The following KCNIP1 variants were observed in gnomAD, a reference collection of about 807,000 sequenced individuals.
The protein encoded by KCNIP1 is potassium voltage-gated channel interacting protein 1.
KCNIP1 carries 18 observed loss-of-function variants against 33.0 expected under a neutral mutation model. That is an observed-to-expected ratio of 0.55 (90% CI 0.38 to 0.81). KCNIP1 has a LOEUF of 0.81. Among genes scored for constraint, KCNIP1 ranks in the 30% least tolerant of loss-of-function variants. The pLI, the probability that KCNIP1 is intolerant of heterozygous loss-of-function variation, is 0.00. For synonymous variants in KCNIP1, 93 were observed against 98.3 expected (o/e 0.95, Z 0.32); for missense variants, 238 against 271.6 (o/e 0.88, Z 0.87).
chr5:170,507,623 A>C (rs1754768715), intron 1 of KCNIP1, among the ~76,000 whole-genome samples: 1 of 152,226 alleles, frequency 6.6e-6, no homozygotes, highest in South Asian at 2.1e-4. Context: ...GCTTGTCCTG[A>C]AAACATCAAA....
chr5:170,520,539 C>T (rs1480322002), intron 1 of KCNIP1, among the ~76,000 whole-genome samples: 1 of 152,234 alleles, frequency 6.6e-6, no homozygotes, highest in Non-Finnish European at 1.5e-5. Flanking sequence ...ACACAAGAAT[C>T]TTCCATCTCC....
At chr5:170,518,022 ATGG>A (rs1307272721) in intron 1 of KCNIP1, among the ~76,000 whole-genome samples, 2 of 151,558 alleles carry the variant, frequency 1.3e-5, no homozygotes, top group Admixed American at 6.6e-5. Flanking sequence ...GACGATAGTG[ATGG>A]TGGTGATGAT....
chr5:170,643,200 C>G (rs996975168), intron 1 of KCNIP1, among the ~76,000 whole-genome samples: 3 of 152,224 alleles, frequency 2.0e-5, no homozygotes, highest in Admixed American at 6.5e-5. Flanking sequence ...TGAGCCAAGG[C>G]GTCCAGGTGG....
intron 1 of KCNIP1, among the ~76,000 whole-genome samples, chr5:170,415,212 G>T (rs1755296001): frequency 6.6e-6 from 1 of 152,156 alleles, no homozygotes; most frequent in Non-Finnish European, 1.5e-5. Flanking sequence ...AGGAAGCCGG[G>T]GAGGGGTTTG....
chr5:170,425,807 C>A (rs1755600682), intron 1 of KCNIP1, among the ~76,000 whole-genome samples: 1 of 152,198 alleles, frequency 6.6e-6, no homozygotes, highest in African/African-American at 2.4e-5. Flanking sequence ...AGGCAGGAGC[C>A]ACCTTCCTGC....
At chr5:170,460,836 C>T (rs1756487430) in intron 1 of KCNIP1, among the ~76,000 whole-genome samples, 1 of 152,166 alleles carries the variant, frequency 6.6e-6, no homozygotes, top group Non-Finnish European at 1.5e-5. Flanking sequence ...AAATAAAAGG[C>T]ATCCAAATCA....
At chr5:170,597,952 G>A (rs571532861) in intron 1 of KCNIP1, among the ~76,000 whole-genome samples, 43 of 152,060 alleles carry the variant, frequency 2.8e-4, no homozygotes, top group Non-Finnish European at 4.1e-4. Context: ...AACTCTGTCC[G>A]GAATTGCTGG....
chr5:170,699,732 G>T (rs558521948), intron 1 of KCNIP1, among the ~76,000 whole-genome samples: 14 of 152,158 alleles, frequency 9.2e-5, no homozygotes, highest in Non-Finnish European at 1.9e-4. Flanking sequence ...ATCCTAAATT[G>T]TAGGCTCTAT....
chr5:170,453,219 C>T (rs1412754871), intron 1 of KCNIP1, among the ~76,000 whole-genome samples: 1 of 152,186 alleles, frequency 6.6e-6, no homozygotes, highest in Admixed American at 6.5e-5. Context: ...CATTTACGCT[C>T]AGCAGCCATT....
At position 170,718,872 on chromosome 5, in the gene KCNIP1, G is replaced by C. The variant is rs145062462; in HGVS notation, c.176G>C (p.Gly59Ala). Residue 59 changes from glycine (G) to alanine (A), a missense_variant, in exon 2 of 8, where the codon GGC (glycine) becomes GCC (alanine). Transcript: ENST00000328939. ...TKRELQVLYRGFKNECPSGVV... is the reference protein window; with the variant it reads ...TKRELQVLYRAFKNECPSGVV... ...AGGGAGCTGCAGGTCCTTTATCGAG[G>C]CTTCAAAAATGTAAGACCCGTGCAC... The C allele has an allele frequency of 2.1e-5, 34 of 1,610,160 alleles. No individual in the cohort carries two copies. Among genetic ancestry groups the C allele is most frequent in the Non-Finnish European group, 2.6e-5 (31 of 1,178,888 alleles).
At chr5:170,689,479 T>C (rs1762649665) in intron 1 of KCNIP1, among the ~76,000 whole-genome samples, 1 of 152,190 alleles carries the variant, frequency 6.6e-6, no homozygotes, top group South Asian at 2.1e-4. Context: ...GTCAAATAAC[T>C]TGCCCAAGTA....
chr5:170,716,108 G>T (rs1395056649), intron 1 of KCNIP1, among the ~76,000 whole-genome samples: 1 of 152,234 alleles, frequency 6.6e-6, no homozygotes, highest in East Asian at 1.9e-4. Flanking sequence ...GGAAGGGAGA[G>T]CTGATGTGAG....
At chr5:170,635,219 G>A (rs1398901823) in intron 1 of KCNIP1, among the ~76,000 whole-genome samples, 7 of 152,078 alleles carry the variant, frequency 4.6e-5, no homozygotes, top group Non-Finnish European at 8.8e-5. Flanking sequence ...TAGTAGAGAC[G>A]GGGTTTCATC....
chr5:170,720,037 G>A (rs186176084), intron 2 of KCNIP1, among the ~76,000 whole-genome samples: 1 of 152,264 alleles, frequency 6.6e-6, no homozygotes, highest in African/African-American at 2.4e-5. Flanking sequence ...GACTGGCTTG[G>A]CCAAAGTCAC....
intron 1 of KCNIP1, among the ~76,000 whole-genome samples, chr5:170,670,664 G>A (rs911172219): frequency 6.6e-6 from 1 of 152,120 alleles, no homozygotes. Flanking sequence ...AGGCTGAAGC[G>A]GGTGGACCGC....
intron 1 of KCNIP1, among the ~76,000 whole-genome samples, chr5:170,597,653 A>G (rs190242903): frequency 1.2e-3 from 182 of 152,056 alleles, no homozygotes; most frequent in African/African-American, 4.2e-3. Context: ...CTTGTCAGAC[A>G]ACACGGGAGG....
At chr5:170,722,004 C>T in intron 4 of KCNIP1, 101 bp downstream of exon 4, 1 of 1,328,394 alleles carries the variant, frequency 7.5e-7, no homozygotes, top group African/African-American at 1.5e-5. Context: ...ATCAAAAGCT[C>T]TCAGTCAGAC....
chr5:170,723,287 G>C (rs17565486), intron 5 of KCNIP1, among the ~76,000 whole-genome samples: 1 of 152,000 alleles, frequency 6.6e-6, no homozygotes, highest in African/African-American at 2.4e-5. Flanking sequence ...CCGCCAAGGG[G>C]GTAATGGAAG....
intron 1 of KCNIP1, among the ~76,000 whole-genome samples, chr5:170,492,969 T>C (rs1416403261): frequency 6.6e-6 from 1 of 152,130 alleles, no homozygotes; most frequent in Non-Finnish European, 1.5e-5. Flanking sequence ...AGGATGGTAT[T>C]GATTCCCTGA....
Sources: gnomAD v4.1 joint callset for allele counts (sites outside exome capture counted in the v4.1 genomes callset) on GRCh38, gnomAD v4.1.1 for gene constraint, MANE v1.5 for transcripts, NCBI Gene and HGNC (gene_info 2026-07-23, HGNC 2026-07-21) for gene names.